The following RABEP1 variants were observed in gnomAD, a reference collection of about 807,000 sequenced individuals.
The protein encoded by RABEP1 is rab GTPase-binding effector protein 1.
RABEP1 carries 51 observed loss-of-function variants against 123.4 expected under a neutral mutation model. That is an observed-to-expected ratio of 0.41 (90% CI 0.33 to 0.52). RABEP1 has a LOEUF of 0.52. Ranked by LOEUF, RABEP1 falls within the 20% of genes least tolerant of loss-of-function variation. The pLI is 0.16. For missense variants in RABEP1, 888 were observed against 996.3 expected (o/e 0.89, Z 1.46); for synonymous variants, 347 against 355.2 (o/e 0.98, Z 0.26).
Position 5,381,252 on chromosome 17 carries a change from G to C in RABEP1, c.2371-137G>C, listed in dbSNP as rs1166242048. ...CCTGCACGCTTGCCCTATAGATAAA[G>C]AGATTGGTCGTGTATAGGAGTGCGA... On this transcript the variant is annotated intron_variant, in intron 16 of 17. Transcript: ENST00000537505. 8 of 1,229,688 alleles carry C rather than the reference G, an allele frequency of 6.5e-6. No individual in the cohort carries two copies. The East Asian group carries it at 2.3e-4, about 35-fold the overall frequency. 76.2% of individuals were successfully genotyped at this position (1,229,688 alleles called of 1,614,324 possible).
At chr17:5,366,760 A>C (rs936914303) in intron 11 of RABEP1, among the ~76,000 whole-genome samples, 4 of 151,454 alleles carry the variant, frequency 2.6e-5, no homozygotes, top group Non-Finnish European at 5.9e-5. Flanking sequence ...TGTCTTCATT[A>C]ATGGTGTCTT....
intron 1 of RABEP1, among the ~76,000 whole-genome samples, chr17:5,294,001 T>G (rs902750168): frequency 6.6e-6 from 1 of 152,184 alleles, no homozygotes; most frequent in Admixed American, 6.6e-5. Context: ...AAATTTATAT[T>G]GCCCATTGCA....
intron 2 of RABEP1, among the ~76,000 whole-genome samples, chr17:5,316,864 AACAATAC>A (rs1460755450): frequency 2.4e-4 from 37 of 151,354 alleles, no homozygotes; most frequent in African/African-American, 8.5e-4. Context: ...AAATATAAGA[AACAATAC>A]AAAATACAGA....
At chr17:5,288,529 G>T (rs2075001063) in intron 1 of RABEP1, among the ~76,000 whole-genome samples, 1 of 152,012 alleles carries the variant, frequency 6.6e-6, no homozygotes, top group South Asian at 2.1e-4. Context: ...CCAAGTAGCT[G>T]GGATTACAGG....
In RABEP1 at chr17:5,372,094, AC is replaced by A. The variant is rs1910568592; in HGVS notation, c.1885-1218del. Among the ~76,000 whole-genome samples the A allele has an allele frequency of 2.6e-5, 4 of 151,984 alleles. No individual in the cohort carries two copies. The South Asian group carries it at 8.3e-4, about 31-fold the overall frequency. On this transcript the variant is annotated intron_variant, in intron 12 of 17. Transcript: ENST00000537505. ...TATATTGATACAAATAATATGAAAT[AC>A]CTAAAATTGTTTTACACATCAACAA...
chr17:5,296,838 G>A (rs141792124), intron 1 of RABEP1, among the ~76,000 whole-genome samples: 4 of 152,134 alleles, frequency 2.6e-5, no homozygotes, highest in Non-Finnish European at 1.5e-5. Flanking sequence ...CCTTGACCCC[G>A]TGGGGTCAGT....
rs1567531317 is a variant in RABEP1, at chr17:5,338,049, GT to G, written c.561del (p.Val188Ter). On this transcript the variant is annotated frameshift_variant, in exon 5 of 18. Coordinates refer to ENST00000537505, the MANE Select transcript of RABEP1 (RefSeq NM_004703.6). LOFTEE classifies it high-confidence loss of function. ...AQEDAEKLRS[V>X]VMPMEKEIAA... Reference sequence around the variant, plus strand: ...AGAGGATGCTGAGAAACTTCGGTCCGTTGTGATGCCAATGGAAAAGGAAATT... The same window carrying G: ...AGAGGATGCTGAGAAACTTCGGTCCGTGTGATGCCAATGGAAAAGGAAATT... 1 of 1,613,396 alleles carries G rather than the reference GT, an allele frequency of 6.2e-7. No individual in the cohort carries two copies. Among genetic ancestry groups the G allele is most frequent in the Admixed American group, 1.7e-5 (1 of 59,990 alleles).
chr17:5,308,870 A>G (rs2075207658), intron 2 of RABEP1, 48 bp downstream of exon 2: 6 of 1,497,846 alleles, frequency 4.0e-6, no homozygotes, highest in Middle Eastern at 3.5e-4. Context: ...ACTGCCTTAA[A>G]GTGTTGAGTT....
chr17:5,346,685 G>GT (rs1229586017), intron 5 of RABEP1, 105 bp from the exon 6 acceptor site: 15 of 683,062 alleles, frequency 2.2e-5, no homozygotes, highest in Non-Finnish European at 3.0e-5. Flanking sequence ...AGATGTAAAA[G>GT]TAAGTGTAAA....
chr17:5,346,707 C>T lies in RABEP1; in HGVS notation c.649-83C>T, dbSNP rs930548406. 5 of 1,126,584 alleles carry T rather than the reference C, an allele frequency of 4.4e-6. No individual in the cohort carries two copies. The African/African-American group carries it at 8.0e-5, about 18-fold the overall frequency. The allele number at this position is 1,126,584 out of a possible 1,614,324, so 69.8% of individuals were successfully genotyped here. On this transcript the variant is annotated intron_variant, in intron 5 of 17. Coordinates refer to ENST00000537505, the MANE Select transcript of RABEP1 (RefSeq NM_004703.6). ...AAAGTAAGTGTAAATTTTTTTGAGG[C>T]ATAGCCAGAACTTACCATCATTCTG...
At chr17:5,378,977 A>G (rs1181495152) in intron 15 of RABEP1, among the ~76,000 whole-genome samples, 2 of 152,040 alleles carry the variant, frequency 1.3e-5, no homozygotes, top group African/African-American at 4.8e-5. Flanking sequence ...ACCACTGCCC[A>G]ACCTTGGACT....
chr17:5,306,681 C>T (rs1276544876), intron 1 of RABEP1, among the ~76,000 whole-genome samples: 4 of 151,614 alleles, frequency 2.6e-5, no homozygotes, highest in African/African-American at 9.7e-5. Context: ...GAAGTCTAAG[C>T]ATGGAACTGA....
Position 5,338,025 on chromosome 17 carries a change from G to A in RABEP1, c.535G>A (p.Glu179Lys). 4.3e-6 allele frequency: 7 copies of A among 1,612,786 alleles called. No homozygotes were observed. The highest frequency in any genetic ancestry group is 5.9e-6 in the Non-Finnish European group (7 of 1,179,388). The stretch of plus-strand genomic sequence containing the variant: ...TAATTCTTTTTAACCATAGGCCCAA[G>A]AGGATGCTGAGAAACTTCGGTCCGT... ...NLENEMKKAQ[E>K]DAEKLRSVVM... Residue 179 changes from glutamate (E) to lysine (K), a missense_variant, in exon 5 of 18, where the codon GAG (glutamate) becomes AAG (lysine). Physicochemically the swap from Glu to Lys is moderately conservative, Grantham distance 56. Coordinates refer to ENST00000537505, the MANE Select transcript of RABEP1 (RefSeq NM_004703.6).
chr17:5,378,546 A>G (rs182922800), intron 15 of RABEP1: 3 of 374,180 alleles, frequency 8.0e-6, no homozygotes, highest in Admixed American at 4.7e-5. Flanking sequence ...AGAAATATGT[A>G]TAAAAAACAT....
intron 8 of RABEP1, among the ~76,000 whole-genome samples, chr17:5,357,571 A>G (rs946012281): frequency 1.3e-5 from 2 of 152,052 alleles, no homozygotes; most frequent in South Asian, 2.1e-4. Context: ...AGTCTTCACT[A>G]TGTTGGCTAG....
At chr17:5,380,287 G>A (rs1456408929) in intron 15 of RABEP1, 77 bp from the exon 16 acceptor site, 1 of 954,560 alleles carries the variant, frequency 1.0e-6, no homozygotes, top group African/African-American at 1.7e-5. Flanking sequence ...TAATTCTCCA[G>A]GCTCTAGGCT....
intron 8 of RABEP1, among the ~76,000 whole-genome samples, chr17:5,357,324 G>A (rs1442212795): frequency 1.3e-5 from 2 of 152,064 alleles, no homozygotes; most frequent in East Asian, 1.9e-4. Flanking sequence ...GAATTTCAGC[G>A]TGTCAATGTA....
At chr17:5,368,791 C>G (rs564361740) in intron 12 of RABEP1, among the ~76,000 whole-genome samples, 1 of 152,134 alleles carries the variant, frequency 6.6e-6, no homozygotes, top group Non-Finnish European at 1.5e-5. Flanking sequence ...TCTGAGAGCC[C>G]TAGCTGGTAC....
rs1216482267 is a variant in RABEP1, at chr17:5,383,321, T to C, written c.*98T>C. ...TAACTCTTAACTGAAGAAAGAGAAG[T>C]CACAACAAAAGGAAGACTGGAGAAA... On this transcript the variant is annotated 3_prime_UTR_variant, in exon 18 of 18. Transcript: ENST00000537505. 6.0e-6 allele frequency: 6 copies of C among 993,860 alleles called. No individual in the cohort carries two copies. The highest frequency in any genetic ancestry group is 9.3e-6 in the Non-Finnish European group (6 of 646,806). The allele number at this position is 993,860 out of a possible 1,614,324, so 61.6% of individuals were successfully genotyped here. A position where few individuals can be genotyped will look rare whatever the true frequency, so the allele number is the denominator to read the frequency against.
Sources: gnomAD v4.1 joint callset for allele counts (sites outside exome capture counted in the v4.1 genomes callset) on GRCh38, gnomAD v4.1.1 for gene constraint, MANE v1.5 for transcripts, NCBI Gene and HGNC (gene_info 2026-07-23, HGNC 2026-07-21) for gene names.